Variants in LDB1 observed in about 807,000 individuals in gnomAD.
LDB1 encodes the protein LIM domain binding 1.
In LDB1, 6 loss-of-function variants were observed where a neutral mutation model predicts 49.7. The observed-to-expected ratio is 0.12, with a 90% CI of 0.07 to 0.24. The LOEUF (loss-of-function observed/expected upper bound fraction) is 0.24, where lower values mean the gene tolerates loss of function less well. Ranked by LOEUF, LDB1 falls within the 10% of genes least tolerant of loss-of-function variation. LDB1 has a pLI of 1.00. For synonymous variants in LDB1, 233 were observed against 202.0 expected (o/e 1.15, Z -1.30); for missense variants, 341 against 561.7 (o/e 0.61, Z 3.97).
rs1231555697 is a variant in LDB1 at position 102,109,892 on chromosome 10, T to C, written c.648+29A>G. On this transcript the variant is annotated intron_variant, in intron 7 of 10. Transcript: ENST00000673968. The surrounding 1 kb of genome is among the most constrained non-coding windows in gnomAD (Gnocchi z 5.8). ...ACCCTTCCCCCGCCTGCCTTCACTC[T>C]TGCATCCTGGGTCCTGCCCACGACT... 6.2e-7 allele frequency: 1 copy of C among 1,601,630 alleles called. No homozygotes were observed. The highest frequency in any genetic ancestry group is 1.7e-5 in the Admixed American group (1 of 59,640).
At position 102,109,316 on chromosome 10, in the gene LDB1, A is replaced by C; in HGVS notation, c.856+68T>G. 6.2e-7 allele frequency: 1 copy of C among 1,607,824 alleles called. No homozygotes were observed. The highest frequency in any genetic ancestry group is 1.1e-5 in the South Asian group (1 of 90,756). On this transcript the variant is annotated intron_variant, in intron 9 of 10. Transcript: ENST00000673968. This position sits in a 1 kb window ranked among gnomAD's most constrained non-coding sequence, Gnocchi z 5.8. Reference sequence around the variant, plus strand: ...AAGGAAGGGGTGGGGAAAACTTCAAAAGGAAATAAAGATACAGCTTTGGGG... The same window carrying C: ...AAGGAAGGGGTGGGGAAAACTTCAACAGGAAATAAAGATACAGCTTTGGGG...
rs2068352707 is a variant in LDB1 at position 102,117,710 on chromosome 10, C to G, written c.25+2376G>C. ...CCTACTCCTCCCTGCCTTAACCCTT[C>G]TGAGCCACATGCTGCCCCAGACAGG... On this transcript the variant is annotated intron_variant, in intron 1 of 10. Coordinates refer to ENST00000673968, the MANE Select transcript of LDB1 (RefSeq NM_001113407.3). This position sits in a 1 kb window ranked among gnomAD's most constrained non-coding sequence, Gnocchi z 4.2. 6.6e-6 allele frequency among the ~76,000 whole-genome samples: 1 copy of G among 152,218 alleles called. No individual in the cohort carries two copies. The highest frequency in any genetic ancestry group is 2.1e-4 in the South Asian group (1 of 4,834).
In LDB1 at chr10:102,111,543, G is replaced by A. The variant is rs1037272127; in HGVS notation, c.26-7C>T. 16 of 1,508,952 alleles carry A rather than the reference G, an allele frequency of 1.1e-5. No individual in the cohort carries two copies. Among genetic ancestry groups the A allele is most frequent in the East Asian group, 2.3e-5 (1 of 43,950 alleles). 93.5% of individuals were successfully genotyped at this position (1,508,952 alleles called of 1,614,324 possible). A position where few individuals can be genotyped will look rare whatever the true frequency, so the allele number is the denominator to read the frequency against. ...AATGACTTTGAGGAACAACCTAGAC[G>A]AGAAAGAAAGGAGTCATAGCTGGGC... On this transcript the variant is annotated splice_polypyrimidine_tract_variant and splice_region_variant and intron_variant, in intron 1 of 10. Transcript: ENST00000673968.
downstream of LDB1, among the ~76,000 whole-genome samples, chr10:102,105,587 T>C (rs931925134): frequency 6.6e-6 from 1 of 151,856 alleles, no homozygotes; most frequent in South Asian, 2.1e-4. Flanking sequence ...TCTCCATATC[T>C]TCCCAGTCTG....
chr10:102,120,034 C>T, intron 1 of LDB1, 52 bp downstream of exon 1: 1 of 1,372,630 alleles, frequency 7.3e-7, no homozygotes. Flanking sequence ...GGTGAGGGGT[C>T]CGCAGGGACG....
At chr10:102,114,553 G>C (rs1336337931) in intron 1 of LDB1, 2 of 985,624 alleles carry the variant, frequency 2.0e-6, no homozygotes, top group Admixed American at 1.2e-4. Flanking sequence ...GCTCCAGTCC[G>C]CCGGCCGCAC....
intron 1 of LDB1, among the ~76,000 whole-genome samples, chr10:102,119,043 G>A (rs1259410650): frequency 6.6e-6 from 1 of 152,164 alleles, no homozygotes; most frequent in Admixed American, 6.5e-5. Context: ...GGAAGCTTCC[G>A]CACTGGCAGC....
intron 1 of LDB1, among the ~76,000 whole-genome samples, chr10:102,119,673 T>C (rs1224411941): frequency 7.1e-6 from 1 of 140,368 alleles, no homozygotes; most frequent in Admixed American, 7.5e-5. Flanking sequence ...TGTCACAGGA[T>C]AGGTAAGAGG....
intron 1 of LDB1, among the ~76,000 whole-genome samples, chr10:102,118,721 G>T (rs1213808447): frequency 1.3e-5 from 2 of 152,182 alleles, no homozygotes; most frequent in African/African-American, 4.8e-5. Flanking sequence ...GGTGGGCTAA[G>T]AACATGATGG....
In LDB1 at chr10:102,111,463, A is replaced by C. The variant is rs770596778; in HGVS notation, c.99T>G (p.His33Gln). 2 of 1,569,878 alleles carry C rather than the reference A, an allele frequency of 1.3e-6. No individual in the cohort carries two copies. The highest frequency in any genetic ancestry group is 1.7e-6 in the Non-Finnish European group (2 of 1,156,334). Reference sequence around the variant, plus strand: ...CATCCCTATCCAGCATGGTGCCGGGATGGAAGGGGGGAAAGGCGTTGCCGT... The same window carrying C: ...CATCCCTATCCAGCATGGTGCCGGGCTGGAAGGGGGGAAAGGCGTTGCCGT... ...PPNGNAFPPF[H>Q]PGTMLDRDVG... The change falls in exon 2 of 11, where the codon CAT (histidine) becomes CAG (glutamine). Residue 33 changes from histidine (H) to glutamine (Q), a missense_variant. Around this residue, in one of 5 missense-constraint regions of LDB1, gnomAD observed 48 missense variants for 43.9 expected, o/e 1.09. Transcript: ENST00000673968.
chr10:102,103,327 G>A (rs1220135562), downstream of LDB1, among the ~76,000 whole-genome samples: 1 of 91,952 alleles, frequency 1.1e-5, no homozygotes. Flanking sequence ...CACTGCACCT[G>A]TTTTGTTGTT....
At chr10:102,118,291 T>TA (rs1225861994) in intron 1 of LDB1, among the ~76,000 whole-genome samples, 1 of 152,170 alleles carries the variant, frequency 6.6e-6, no homozygotes, top group Admixed American at 6.5e-5. Context: ...GGCATCAATC[T>TA]ATAAGACTTC....
intron 1 of LDB1, 50 bp downstream of exon 1, chr10:102,120,036 G>A: frequency 1.5e-6 from 2 of 1,373,750 alleles, no homozygotes; most frequent in South Asian, 1.4e-5. Flanking sequence ...TGAGGGGTCC[G>A]CAGGGACGGC....
Position 102,107,722 on chromosome 10 carries a change from C to T in LDB1, c.*371G>A. ...CCCCGTAACTTTAAGTCCCTAAGGG[C>T]TGTGGGTATAGACAACCCCAGGCTT... On this transcript the variant is annotated 3_prime_UTR_variant, in exon 11 of 11. Coordinates refer to ENST00000673968, the MANE Select transcript of LDB1 (RefSeq NM_001113407.3). 3.6e-6 allele frequency: 1 copy of T among 278,700 alleles called. No individual in the cohort carries two copies. Among genetic ancestry groups the T allele is most frequent in the Non-Finnish European group, 6.8e-6 (1 of 145,990 alleles). The allele number at this position is 278,700 out of a possible 1,614,324, so 17.3% of individuals were successfully genotyped here.
At chr10:102,108,945 C>G in intron 10 of LDB1, 84 bp downstream of exon 10, 1 of 1,565,922 alleles carries the variant, frequency 6.4e-7, no homozygotes, top group Admixed American at 1.7e-5. Flanking sequence ...TGCTTCTACG[C>G]CTGCTAGTGA....
rs2068399839 is a variant in LDB1, at chr10:102,120,228, C to G, written c.-118G>C. On this transcript the variant is annotated 5_prime_UTR_variant, in exon 1 of 11. Transcript: ENST00000673968. Reference sequence around the variant, plus strand: ...GCCCCCGCTGCGCTCGCCGCCGGCCCGGCCCGGCCTCGGCCCGGTGCGGGC... The same window carrying G: ...GCCCCCGCTGCGCTCGCCGCCGGCCGGGCCCGGCCTCGGCCCGGTGCGGGC... 1 of 984,944 alleles carries G rather than the reference C, an allele frequency of 1.0e-6. No individual in the cohort carries two copies. The allele number at this position is 984,944 out of a possible 1,614,324, so 61.0% of individuals were successfully genotyped here.
In LDB1 at chr10:102,113,121, T is replaced by TG. The variant is rs566875806; in HGVS notation, c.26-1586dup. ...AGATACAAAACCTATTTTGTTTCTTTGGGGGGAAGAGACAAAAGAAGACCC... is the reference window on the plus strand; with the variant it reads ...AGATACAAAACCTATTTTGTTTCTTTGGGGGGGAAGAGACAAAAGAAGACCC... On this transcript the variant is annotated intron_variant, in intron 1 of 10. Transcript: ENST00000673968. 2.4e-3 allele frequency among the ~76,000 whole-genome samples: 369 copies of TG among 152,322 alleles called. 1 individual carries two copies. Among genetic ancestry groups the TG allele is most frequent in the African/African-American group, 8.3e-3 (347 of 41,578 alleles).
At chr10:102,110,126 A>G in intron 6 of LDB1, 83 bp from the exon 7 acceptor site, 1 of 1,465,438 alleles carries the variant, frequency 6.8e-7, no homozygotes. Flanking sequence ...CCATTTGCTT[A>G]CAACTCTCCC....
chr10:102,108,104 C>A lies in LDB1; in HGVS notation c.1225G>T (p.Ala409Ser). ...CACAGCAGGGCCTTTTACTGGGAGG[C>A]CTGTGACGTGGGGTTCTCCGATTTG... The part of the protein sequence containing the change: ...ESKSENPTSQ[A>S]SQ Residue 409 changes from alanine (A) to serine (S), a missense_variant, in exon 11 of 11, where the codon GCC becomes TCC. Ala to Ser is a moderately conservative substitution (Grantham distance 99). This residue lies in a region of LDB1 where 46 missense variants were observed against 62.9 expected (regional missense o/e 0.73). Coordinates refer to ENST00000673968, the MANE Select transcript of LDB1 (RefSeq NM_001113407.3). The A allele has an allele frequency of 1.2e-6, 2 of 1,613,776 alleles. No homozygotes were observed. The highest frequency in any genetic ancestry group is 1.7e-6 in the Non-Finnish European group (2 of 1,179,774).
Sources: allele counts gnomAD v4.1 joint callset (sites outside exome capture counted in the v4.1 genomes callset), GRCh38; gene constraint gnomAD v4.1.1; regional missense constraint gnomAD v4.1.1; non-coding constraint Gnocchi (gnomAD v3.1); transcripts MANE v1.5; gene names NCBI Gene and HGNC (gene_info 2026-07-23, HGNC 2026-07-21).